The following NAALADL2 variants were observed in gnomAD, a reference collection of about 807,000 sequenced individuals.
NAALADL2 encodes inactive N-acetylated-alpha-linked acidic dipeptidase-like protein 2.
NAALADL2 carries 76 observed loss-of-function variants against 87.2 expected under a neutral mutation model. That is an observed-to-expected ratio of 0.87 (90% CI 0.72 to 1.05). The LOEUF is 1.05. Among genes scored for constraint, NAALADL2 ranks in the 50% least tolerant of loss-of-function variants. The pLI is 0.00. For synonymous variants in NAALADL2, 354 were observed against 331.0 expected (o/e 1.07, Z -0.75); for missense variants, 1,089 against 945.8 (o/e 1.15, Z -1.99).
At chr3:175,213,924 C>G (rs554147016) in intron 2 of NAALADL2, among the ~76,000 whole-genome samples, 68 of 152,114 alleles carry the variant, frequency 4.5e-4, no homozygotes, top group Admixed American at 1.2e-3. Flanking sequence ...AACTCTACAC[C>G]TGTGGACTGT....
chr3:175,501,598 C>T (rs913449959), intron 9 of NAALADL2, among the ~76,000 whole-genome samples: 6 of 152,050 alleles, frequency 3.9e-5, no homozygotes. Flanking sequence ...AGGTAATCAC[C>T]TCACACAGTT....
intron 2 of NAALADL2, among the ~76,000 whole-genome samples, chr3:174,594,927 T>C (rs2108594797): frequency 6.6e-6 from 1 of 152,306 alleles, no homozygotes; most frequent in Middle Eastern, 3.4e-3. Context: ...TGTTAGTTCC[T>C]TTTCTTATAT....
intron 1 of NAALADL2, among the ~76,000 whole-genome samples, chr3:174,550,075 G>A (rs1000861991): frequency 6.6e-6 from 1 of 152,014 alleles, no homozygotes; most frequent in African/African-American, 2.4e-5. Flanking sequence ...TTTTACAAAT[G>A]TAATGTTCAT....
intron 10 of NAALADL2, among the ~76,000 whole-genome samples, chr3:175,586,357 A>T: frequency 6.6e-6 from 1 of 152,148 alleles, no homozygotes; most frequent in Non-Finnish European, 1.5e-5. Context: ...AAAGATCACT[A>T]CTTCTTCTTC....
At chr3:175,781,655 CA>C (rs777223385) in intron 13 of NAALADL2, among the ~76,000 whole-genome samples, 2,397 of 97,418 alleles carry the variant, frequency 0.025, 27 homozygotes, top group African/African-American at 0.053. Context: ...TCATTTTTAG[CA>C]AAAAAAAAAA....
chr3:175,750,948 T>C (rs1247600234), intron 12 of NAALADL2, among the ~76,000 whole-genome samples: 1 of 152,150 alleles, frequency 6.6e-6, no homozygotes. Context: ...ACACATGTAT[T>C]TTACTTTGAG....
intron 9 of NAALADL2, among the ~76,000 whole-genome samples, chr3:175,565,829 C>CTTTTT (rs34325475): frequency 8.7e-6 from 1 of 114,818 alleles, no homozygotes. Context: ...AGCCCCCCCC[C>CTTTTT]TTTTTTTTTT....
chr3:175,741,568 A>G (rs1745239814), intron 12 of NAALADL2, among the ~76,000 whole-genome samples: 1 of 152,110 alleles, frequency 6.6e-6, no homozygotes, highest in Admixed American at 6.5e-5. Context: ...TTTAGATTAG[A>G]AAAACATAAA....
intron 1 of NAALADL2, among the ~76,000 whole-genome samples, chr3:175,013,706 T>A (rs1750454090): frequency 6.6e-6 from 1 of 152,096 alleles, no homozygotes; most frequent in South Asian, 2.1e-4. Flanking sequence ...ACCACACCCC[T>A]GAATGTTTTC....
chr3:175,010,283 G>T (rs1560470870), intron 1 of NAALADL2, among the ~76,000 whole-genome samples: 2 of 152,082 alleles, frequency 1.3e-5, no homozygotes, highest in Non-Finnish European at 2.9e-5. Context: ...TGGCCTAAAA[G>T]TATTTAGCTT....
rs1006637429 is a variant in NAALADL2 at position 174,733,238 on chromosome 3, G to T, written c.-114-4403G>T. 2.0e-5 allele frequency among the ~76,000 whole-genome samples: 3 copies of T among 152,110 alleles called. No individual in the cohort carries two copies. In the East Asian group the frequency reaches 5.8e-4, roughly 29 times the overall value. On this transcript the variant is annotated intron_variant, in intron 2 of 3. Transcript: ENST00000434257. ...AGGTAACGCTTAAAAGGTCCACAAAGAACTAATTCAGGCAAGTTTTTCTGC... is the reference window on the plus strand; with the variant it reads ...AGGTAACGCTTAAAAGGTCCACAAATAACTAATTCAGGCAAGTTTTTCTGC...
intron 2 of NAALADL2, among the ~76,000 whole-genome samples, chr3:174,708,805 C>A (rs1309770880): frequency 2.0e-5 from 3 of 152,040 alleles, no homozygotes; most frequent in African/African-American, 7.2e-5. Context: ...AAAATTTGAA[C>A]TTTAAAGGAG....
At chr3:175,584,830 G>A (rs1720310353) in intron 10 of NAALADL2, among the ~76,000 whole-genome samples, 1 of 152,198 alleles carries the variant, frequency 6.6e-6, no homozygotes, top group Non-Finnish European at 1.5e-5. Flanking sequence ...TATGAATGGA[G>A]CTTTCAGGAC....
chr3:174,680,571 T>C (rs1310974061), intron 2 of NAALADL2, among the ~76,000 whole-genome samples: 1 of 152,254 alleles, frequency 6.6e-6, no homozygotes, highest in East Asian at 1.9e-4. Context: ...ATTATACTTT[T>C]ACAAATTACT....
At chr3:175,188,161 A>T (rs955510068) in intron 2 of NAALADL2, among the ~76,000 whole-genome samples, 3 of 152,194 alleles carry the variant, frequency 2.0e-5, no homozygotes, top group Admixed American at 6.5e-5. Flanking sequence ...CAGAATGAGT[A>T]TTCTGATATG....
chr3:175,385,388 C>T (rs990376445), intron 5 of NAALADL2, among the ~76,000 whole-genome samples: 27 of 151,922 alleles, frequency 1.8e-4, no homozygotes, highest in Non-Finnish European at 1.9e-4. Context: ...TAGTTTGTCT[C>T]GTTTGCAATA....
chr3:174,797,726 C>A (rs1718308900), intron 3 of NAALADL2, among the ~76,000 whole-genome samples: 1 of 152,010 alleles, frequency 6.6e-6, no homozygotes, highest in Non-Finnish European at 1.5e-5. Context: ...CTTGAGCTTC[C>A]AGCCTCCAGA....
intron 9 of NAALADL2, among the ~76,000 whole-genome samples, chr3:175,488,331 T>C (rs2161045): frequency 0.69 from 104,239 of 152,132 alleles, 37,664 homozygotes; most frequent in Non-Finnish European, 0.8. Context: ...CTAGAACATG[T>C]AGACAATATG....
At chr3:175,016,259 T>TTTTA (rs1553917569) in intron 1 of NAALADL2, among the ~76,000 whole-genome samples, 3 of 118,994 alleles carry the variant, frequency 2.5e-5, no homozygotes, top group Admixed American at 8.1e-5. Context: ...GATAAATTAT[T>TTTTA]TATATATATA....
Sources: gnomAD v4.1 joint callset for allele counts (sites outside exome capture counted in the v4.1 genomes callset) on GRCh38, gnomAD v4.1.1 for gene constraint, MANE v1.5 for transcripts, NCBI Gene and HGNC (gene_info 2026-07-23, HGNC 2026-07-21) for gene names.